The following STYK1 variants were observed in gnomAD, a reference collection of about 807,000 sequenced individuals.
The protein encoded by STYK1 is tyrosine-protein kinase STYK1.
In STYK1, 46 loss-of-function variants were observed where a neutral mutation model predicts 48.1. The ratio of observed to expected loss-of-function variants is 0.96; its 90% confidence interval spans 0.75 to 1.22. The LOEUF (loss-of-function observed/expected upper bound fraction) is 1.22, where lower values mean the gene tolerates loss of function less well. Ranked by LOEUF, STYK1 falls within the 50% of genes most tolerant of loss-of-function variation. The pLI is 0.00. For synonymous variants in STYK1, 188 were observed against 189.0 expected (o/e 0.99, Z 0.04); for missense variants, 527 against 521.1 (o/e 1.01, Z -0.11).
In STYK1 at chr12:10,631,267, C is replaced by A; in HGVS notation, c.229G>T (p.Ala77Ser). 1 of 1,614,218 alleles carries A rather than the reference C, an allele frequency of 6.2e-7. No homozygotes were observed. Among genetic ancestry groups the A allele is most frequent in the South Asian group, 1.1e-5 (1 of 91,090 alleles). The change falls in exon 5 of 11, where the codon GCA (alanine) becomes TCA (serine). Residue 77 changes from alanine (A) to serine (S), a missense_variant. Transcript: ENST00000075503. ...AAAGCCACATTTCCTCCATGTCCTG[C>A]TTCCCAGCTTAGGTCCCTAGGTGGA... ...VPPPRDLSWE[A>S]GHGGNVALPL...
In STYK1 at chr12:10,672,775, T is replaced by C. The variant is rs1325310771; in HGVS notation, c.-195+1191A>G. ...TTGTGGTACCTTGTTACAGCAGCCC[T>C]AGCAAACTCACACAGTAATGGAGGC... On this transcript the variant is annotated intron_variant, in intron 1 of 10. Coordinates refer to ENST00000075503, the MANE Select transcript of STYK1 (RefSeq NM_018423.3). The surrounding 1 kb of genome is among the most constrained non-coding windows in gnomAD (Gnocchi z 4.0). 1.3e-5 allele frequency among the ~76,000 whole-genome samples: 2 copies of C among 151,968 alleles called. No individual in the cohort carries two copies. Among genetic ancestry groups the C allele is most frequent in the Non-Finnish European group, 2.9e-5 (2 of 68,030 alleles).
intron 1 of STYK1, among the ~76,000 whole-genome samples, chr12:10,673,151 G>A (rs1401092621): frequency 6.6e-6 from 1 of 151,928 alleles, no homozygotes; most frequent in Non-Finnish European, 1.5e-5. Flanking sequence ...AAAAATGAAA[G>A]AGGAAAAAAG....
chr12:10,653,972 T>C (rs1025210718), intron 1 of STYK1, among the ~76,000 whole-genome samples: 9 of 152,166 alleles, frequency 5.9e-5, no homozygotes, highest in African/African-American at 2.2e-4. Flanking sequence ...CAACACAAGA[T>C]ACAGGTCACA....
chr12:10,620,404 A>C lies in STYK1; in HGVS notation c.1065-56T>G. 4 of 1,529,220 alleles carry C rather than the reference A, an allele frequency of 2.6e-6. No homozygotes were observed. In the South Asian group the frequency reaches 4.5e-5, roughly 17 times the overall value. 94.7% of individuals were successfully genotyped at this position (1,529,220 alleles called of 1,614,324 possible). A position where few individuals can be genotyped will look rare whatever the true frequency, so the allele number is the denominator to read the frequency against. ...TTGACAAGGCAAATGTATGGGGAGC[A>C]TGTCTCCTCTCCTCACAAACTTTAA... is the stretch of plus-strand genomic sequence containing the variant. On this transcript the variant is annotated intron_variant, in intron 10 of 10. Coordinates refer to ENST00000075503, the MANE Select transcript of STYK1 (RefSeq NM_018423.3).
chr12:10,627,994 C>G, intron 6 of STYK1, among the ~76,000 whole-genome samples: 1 of 152,184 alleles, frequency 6.6e-6, no homozygotes, highest in East Asian at 1.9e-4. Context: ...AGCAATTTTT[C>G]TAGGGCTCTG....
chr12:10,649,210 A>C (rs1197564331), intron 1 of STYK1, among the ~76,000 whole-genome samples: 2 of 152,204 alleles, frequency 1.3e-5, no homozygotes, highest in Non-Finnish European at 2.9e-5. Context: ...AAAAAAATCA[A>C]CCATGTGTTC....
chr12:10,626,315 A>T (rs369079984), intron 7 of STYK1, among the ~76,000 whole-genome samples: 2 of 152,140 alleles, frequency 1.3e-5, no homozygotes, highest in South Asian at 4.1e-4. Flanking sequence ...TGCGGTTCTG[A>T]ATACAGGGTA....
At chr12:10,626,439 C>T (rs1035311379) in intron 7 of STYK1, among the ~76,000 whole-genome samples, 1 of 152,154 alleles carries the variant, frequency 6.6e-6, no homozygotes, top group African/African-American at 2.4e-5. Context: ...GGAGCTTCAA[C>T]CATAACTATT....
chr12:10,673,328 G>A (rs1947909138), intron 1 of STYK1, among the ~76,000 whole-genome samples: 1 of 152,008 alleles, frequency 6.6e-6, no homozygotes, highest in Non-Finnish European at 1.5e-5. Flanking sequence ...AGTGAACCGA[G>A]ATCGCGCCAT....
intron 7 of STYK1, among the ~76,000 whole-genome samples, chr12:10,625,342 C>A (rs1947345373): frequency 6.6e-6 from 1 of 152,118 alleles, no homozygotes; most frequent in African/African-American, 2.4e-5. Context: ...CTCAGCCTCC[C>A]AAGTAGCTGG....
In STYK1 at chr12:10,648,667, T is replaced by C. The variant is rs544074443; in HGVS notation, c.-194-11471A>G. ...TTTTTTGAGCTGGGGTCTCACTCTG[T>C]TGTCCAGGCTAGAGTGCAGTGATGT... On this transcript the variant is annotated intron_variant, in intron 1 of 10. Transcript: ENST00000075503. Among the ~76,000 whole-genome samples the C allele has an allele frequency of 3.3e-5, 5 of 152,244 alleles. No homozygotes were observed. The East Asian group carries it at 9.6e-4, about 29-fold the overall frequency.
chr12:10,648,716 A>C (rs557405048), intron 1 of STYK1, among the ~76,000 whole-genome samples: 1 of 151,788 alleles, frequency 6.6e-6, no homozygotes, highest in Admixed American at 6.6e-5. Flanking sequence ...TGCAGACTTG[A>C]TCTCCCGGGT....
chr12:10,619,348 G>GCGCA lies in STYK1; in HGVS notation c.*795_*796insTGCG, dbSNP rs1555147629. On this transcript the variant is annotated 3_prime_UTR_variant, in exon 11 of 11. Transcript: ENST00000075503. The stretch of plus-strand genomic sequence containing the variant: ...GGTTTCTACATTTCCTATTTATTGT[G>GCGCA]CACACACACACACACACACACAGAA... 2 of 150,324 alleles carry GCGCA rather than the reference G, an allele frequency of 1.3e-5. No individual in the cohort carries two copies. The highest frequency in any genetic ancestry group is 4.2e-4 in the South Asian group (2 of 4,712). 9.3% of individuals were successfully genotyped at this position (150,324 alleles called of 1,614,324 possible). A position where few individuals can be genotyped will look rare whatever the true frequency, so the allele number is the denominator to read the frequency against.
intron 1 of STYK1, chr12:10,640,693 TCAGTTTTTCTTG>T (rs1947534374): frequency 6.6e-6 from 1 of 152,216 alleles, no homozygotes; most frequent in Admixed American, 6.5e-5. Flanking sequence ...CTGAGGGCTA[TCAGTTTTTCTTG>T]CTTCTATTTT....
At position 10,634,111 on chromosome 12, in the gene STYK1, C is replaced by T. The variant is rs1472951916; in HGVS notation, c.66G>A (p.Lys22=). ...LSDKLCVIQE[K]QYEVIIVPTL... ...TTGGGACGATAATCACTTCATACTG[C>T]TTCTCCTGGATGACTGGGTAGGCGA... The change falls in exon 4 of 11, where the codon AAG becomes AAA. Residue 22 remains lysine, a synonymous_variant. Transcript: ENST00000075503. 3 of 1,612,990 alleles carry T rather than the reference C, an allele frequency of 1.9e-6. No individual in the cohort carries two copies. Among genetic ancestry groups the T allele is most frequent in the Non-Finnish European group, 1.7e-6 (2 of 1,179,800 alleles).
At chr12:10,668,539 CTTTTTTTTTTTTTTTTT>C (rs55897413) in intron 1 of STYK1, among the ~76,000 whole-genome samples, 1 of 46,504 alleles carries the variant, frequency 2.2e-5, no homozygotes, top group East Asian at 6.4e-4. Context: ...CCACACCTGG[CTTTTTTTTTTTTTTTTT>C]TTTTTTTTTT....
At chr12:10,638,223 A>G (rs1205238756) in intron 1 of STYK1, among the ~76,000 whole-genome samples, 2 of 152,238 alleles carry the variant, frequency 1.3e-5, no homozygotes, top group East Asian at 1.9e-4. Context: ...ACATAATCCT[A>G]TATCTACAGA....
chr12:10,631,028 A>C lies in STYK1; in HGVS notation c.451+17T>G. 1 of 1,610,082 alleles carries C rather than the reference A, an allele frequency of 6.2e-7. No individual in the cohort carries two copies. Among genetic ancestry groups the C allele is most frequent in the South Asian group, 1.1e-5 (1 of 90,976 alleles). On this transcript the variant is annotated intron_variant, in intron 5 of 10. Coordinates refer to ENST00000075503, the MANE Select transcript of STYK1 (RefSeq NM_018423.3). The stretch of plus-strand genomic sequence containing the variant: ...TTACTGTTAGGGGAAGGGGGAGTCA[A>C]ACACTTCTTGTTTTACCTTTTAAAG...
rs981217667 is a variant in STYK1 at position 10,625,701 on chromosome 12, A to G, written c.718-842T>C. Reference sequence around the variant, plus strand: ...AAAGGCCACAGAGTTATTAAGCAGTAGTGACCAGAACCAGGTATTATAATT... The same window carrying G: ...AAAGGCCACAGAGTTATTAAGCAGTGGTGACCAGAACCAGGTATTATAATT... On this transcript the variant is annotated intron_variant, in intron 7 of 10. Transcript: ENST00000075503. Among the ~76,000 whole-genome samples the G allele has an allele frequency of 4.6e-5, 7 of 152,356 alleles. No individual in the cohort carries two copies. In the East Asian group the frequency reaches 7.7e-4, roughly 17 times the overall value.
Sources: gnomAD v4.1 joint callset for allele counts (sites outside exome capture counted in the v4.1 genomes callset) on GRCh38, gnomAD v4.1.1 for gene constraint, Gnocchi (gnomAD v3.1) non-coding constraint, MANE v1.5 for transcripts, NCBI Gene and HGNC (gene_info 2026-07-23, HGNC 2026-07-21) for gene names.